PTPRD: variants seen among roughly 807,000 people sequenced by gnomAD.
PTPRD encodes the protein protein tyrosine phosphatase receptor type D, also known as receptor-type tyrosine-protein phosphatase delta.
PTPRD carries 34 observed loss-of-function variants against 214.5 expected under a neutral mutation model. The ratio of observed to expected loss-of-function variants is 0.16; its 90% CI spans 0.12 to 0.21. The LOEUF is 0.21. PTPRD is among the 10% of genes least tolerant of loss of function. The pLI, the probability that PTPRD is intolerant of heterozygous loss-of-function variation, is 1.00. For missense variants in PTPRD, 2,545 were observed against 2,398.7 expected (o/e 1.06, Z -1.27); for synonymous variants, 1,128 against 845.7 (o/e 1.33, Z -5.79).
chr9:9,374,476 T>A (rs1286001962), intron 9 of PTPRD, among the ~76,000 whole-genome samples: 1 of 152,130 alleles, frequency 6.6e-6, no homozygotes, highest in East Asian at 1.9e-4. Context: ...CAGTTTTAAC[T>A]ATAACATAAA....
chr9:8,754,433 T>C (rs2093805288), intron 11 of PTPRD, among the ~76,000 whole-genome samples: 1 of 152,100 alleles, frequency 6.6e-6, no homozygotes, highest in South Asian at 2.1e-4. Context: ...GAAAAAGAAG[T>C]CTAGAAACAG....
chr9:9,600,666 C>G (rs1354999644), intron 7 of PTPRD, among the ~76,000 whole-genome samples: 1 of 152,086 alleles, frequency 6.6e-6, no homozygotes. Flanking sequence ...TTCCCTTTAA[C>G]TGTTCTTTCT....
intron 12 of PTPRD, among the ~76,000 whole-genome samples, chr9:8,662,192 G>A (rs985669817): frequency 1.1e-4 from 16 of 152,146 alleles, no homozygotes; most frequent in Admixed American, 2.6e-4. Context: ...ACAACTGCAT[G>A]TTTAATTACA....
intron 3 of PTPRD, among the ~76,000 whole-genome samples, chr9:10,136,090 T>C (rs1403113060): frequency 1.3e-5 from 2 of 151,808 alleles, no homozygotes; most frequent in South Asian, 2.1e-4. Flanking sequence ...GATATTCTTA[T>C]ACTAGATAAA....
At chr9:8,840,431 G>A (rs1445636524) in intron 11 of PTPRD, among the ~76,000 whole-genome samples, 1 of 152,156 alleles carries the variant, frequency 6.6e-6, no homozygotes, top group Non-Finnish European at 1.5e-5. Context: ...TGATTGTGAG[G>A]CCTTCCCAAC....
chr9:9,185,682 C>G (rs2099930939), intron 9 of PTPRD, among the ~76,000 whole-genome samples: 1 of 152,006 alleles, frequency 6.6e-6, no homozygotes, highest in Non-Finnish European at 1.5e-5. Flanking sequence ...TATTCCATTA[C>G]TCATTTAGAT....
intron 9 of PTPRD, among the ~76,000 whole-genome samples, chr9:9,238,795 T>C (rs2099968714): frequency 6.6e-6 from 1 of 152,188 alleles, no homozygotes; most frequent in Admixed American, 6.6e-5. Flanking sequence ...AGACCCAAGA[T>C]TAAACAAAAG....
At chr9:9,462,139 G>A (rs751386565) in intron 8 of PTPRD, among the ~76,000 whole-genome samples, 3 of 152,034 alleles carry the variant, frequency 2.0e-5, no homozygotes, top group Non-Finnish European at 2.9e-5. Flanking sequence ...ATAAATATCT[G>A]TTGAATTAAA....
Position 8,416,999 on chromosome 9 carries a change from C to T in PTPRD, c.4087-12339G>A, listed in dbSNP as rs536277505. ...CTTAACTACTACACTCTAATAGATA[C>T]GTAAATTATAAATTTATTATCATGG... On this transcript the variant is annotated intron_variant, in intron 35 of 45. Transcript: ENST00000381196. 1.6e-4 allele frequency among the ~76,000 whole-genome samples: 25 copies of T among 151,666 alleles called. No homozygotes were observed. The East Asian group carries it at 1.8e-3, about 11-fold the overall frequency.
intron 7 of PTPRD, among the ~76,000 whole-genome samples, chr9:9,631,243 AAAAG>A (rs2095583304): frequency 6.6e-6 from 1 of 151,630 alleles, no homozygotes; most frequent in Non-Finnish European, 1.5e-5. Flanking sequence ...AGAAAAAAAA[AAAAG>A]AAAGAGTGAG....
At chr9:10,151,282 A>ATTTTTTTT in intron 3 of PTPRD, among the ~76,000 whole-genome samples, 1 of 40,292 alleles carries the variant, frequency 2.5e-5, no homozygotes, top group Admixed American at 3.8e-4. Flanking sequence ...TTTTTTTTTG[A>ATTTTTTTT]GACAAGAGTC....
At chr9:10,158,834 A>G (rs1368714897) in intron 3 of PTPRD, among the ~76,000 whole-genome samples, 1 of 152,134 alleles carries the variant, frequency 6.6e-6, no homozygotes, top group African/African-American at 2.4e-5. Context: ...ATTTTCCTCA[A>G]TCCACAAGAA....
intron 9 of PTPRD, among the ~76,000 whole-genome samples, chr9:9,383,136 C>T (rs776415323): frequency 6.6e-6 from 1 of 151,896 alleles, no homozygotes; most frequent in East Asian, 1.9e-4. Context: ...TGAAATCCTA[C>T]CATTTTTCTT....
At chr9:9,948,144 G>T (rs1323950378) in intron 4 of PTPRD, among the ~76,000 whole-genome samples, 2 of 152,006 alleles carry the variant, frequency 1.3e-5, no homozygotes, top group African/African-American at 4.8e-5. Context: ...TTTGCCTTAT[G>T]GGGTCTGCTC....
At chr9:10,513,388 G>A (rs1190796170) in intron 2 of PTPRD, among the ~76,000 whole-genome samples, 4 of 151,968 alleles carry the variant, frequency 2.6e-5, no homozygotes, top group Non-Finnish European at 4.4e-5. Context: ...ATTTGGATGT[G>A]GTTAAGAGTG....
chr9:8,748,522 C>CAAAAAAAAAAAAAAAA (rs1239091825), intron 11 of PTPRD, among the ~76,000 whole-genome samples: 11 of 37,802 alleles, frequency 2.9e-4, no homozygotes, highest in Non-Finnish European at 4.9e-4. Context: ...CCTGCAACTG[C>CAAAAAAAAAAAAAAAA]AAAAAAAAAA....
chr9:10,422,738 A>G (rs561929319), intron 2 of PTPRD, among the ~76,000 whole-genome samples: 1 of 152,246 alleles, frequency 6.6e-6, no homozygotes, highest in African/African-American at 2.4e-5. Flanking sequence ...AGAAATGCAA[A>G]TCAAAACCAC....
At chr9:9,899,490 C>T (rs968399332) in intron 5 of PTPRD, among the ~76,000 whole-genome samples, 1 of 151,852 alleles carries the variant, frequency 6.6e-6, no homozygotes, top group African/African-American at 2.4e-5. Flanking sequence ...AAATTAAAGC[C>T]ACTGTGAGAT....
rs1247419601 is a variant in PTPRD, at chr9:9,140,205, A to C, written c.-143+43099T>G. 2.6e-5 allele frequency among the ~76,000 whole-genome samples: 4 copies of C among 151,862 alleles called. No individual in the cohort carries two copies. In the East Asian group the frequency reaches 7.7e-4, roughly 29 times the overall value. ...ATCCATGCATGGAAAAAAAAAAAGA[A>C]AAAGAAAAAGAAAAAAAAGAAAAAG... On this transcript the variant is annotated intron_variant, in intron 10 of 45. Transcript: ENST00000381196.
Sources: gnomAD v4.1 joint callset for allele counts (sites outside exome capture counted in the v4.1 genomes callset) on GRCh38, gnomAD v4.1.1 for gene constraint, MANE v1.5 for transcripts, NCBI Gene and HGNC (gene_info 2026-07-23, HGNC 2026-07-21) for gene names.